The following LRTM1 variants were observed in gnomAD, a reference collection of about 807,000 sequenced individuals.
The protein encoded by LRTM1 is leucine-rich repeat and transmembrane domain-containing protein 1.
In LRTM1, 38 loss-of-function variants were observed where a neutral mutation model predicts 32.4. That is an observed-to-expected ratio of 1.17 (90% CI 0.91 to 1.54). The LOEUF is 1.54. Ranked by LOEUF, LRTM1 falls within the 40% of genes most tolerant of loss-of-function variation. The pLI, the probability that LRTM1 is intolerant of heterozygous loss-of-function variation, is 0.00. For missense variants in LRTM1, 466 were observed against 415.4 expected (o/e 1.12, Z -1.06); for synonymous variants, 186 against 169.9 (o/e 1.09, Z -0.74).
At chr3:54,919,675 G>A (rs1169905906) in intron 2 of LRTM1, among the ~76,000 whole-genome samples, 1 of 152,182 alleles carries the variant, frequency 6.6e-6, no homozygotes, top group Non-Finnish European at 1.5e-5. Flanking sequence ...AGTCTAGTGT[G>A]ACCACTGATT....
chr3:54,959,997 A>G (rs115793763), intron 1 of LRTM1, among the ~76,000 whole-genome samples: 2,079 of 151,732 alleles, frequency 0.014, 59 homozygotes, highest in African/African-American at 0.047. Context: ...AGTAATTAGA[A>G]CCCAAATGGA....
At chr3:54,942,965 A>G (rs1403301054) in intron 1 of LRTM1, among the ~76,000 whole-genome samples, 2 of 152,126 alleles carry the variant, frequency 1.3e-5, no homozygotes, top group Non-Finnish European at 2.9e-5. Context: ...CGGAGGTTGC[A>G]GTGAGCTGAG....
chr3:54,955,084 C>T (rs182035820), intron 1 of LRTM1, among the ~76,000 whole-genome samples: 41 of 152,266 alleles, frequency 2.7e-4, no homozygotes, highest in Admixed American at 2.4e-3. Context: ...GGAGAGAAGA[C>T]ATACAAAATT....
chr3:54,957,204 G>C (rs1701920666), intron 1 of LRTM1, among the ~76,000 whole-genome samples: 2 of 151,796 alleles, frequency 1.3e-5, no homozygotes, highest in South Asian at 4.1e-4. Context: ...CTGTCCCCCA[G>C]GCTGGAGTTC....
intron 1 of LRTM1, among the ~76,000 whole-genome samples, chr3:54,951,332 C>G (rs1701752106): frequency 6.6e-6 from 1 of 152,242 alleles, no homozygotes; most frequent in Non-Finnish European, 1.5e-5. Context: ...ACCCATCTCT[C>G]TCTTTCACAG....
Position 54,918,887 on chromosome 3 carries a change from G to C in LRTM1, c.610C>G (p.Leu204Val). 6.6e-7 allele frequency: 1 copy of C among 1,526,582 alleles called. No homozygotes were observed. Among genetic ancestry groups the C allele is most frequent in the Non-Finnish European group, 8.8e-7 (1 of 1,137,152 alleles). The allele number at this position is 1,526,582 out of a possible 1,614,324, so 94.6% of individuals were successfully genotyped here. ...GATTCACAGATGATGCCGTCTGTTAGTCCCCCTTTAAAAAACAAAAGCAAA... is the reference window on the plus strand; with the variant it reads ...GATTCACAGATGATGCCGTCTGTTACTCCCCCTTTAAAAAACAAAAGCAAA... ...WLEKFVYKGG[L>V]TDGIICESPD... is the part of the protein sequence containing the mutation. Residue 204 changes from leucine to valine, a missense_variant, in exon 3 of 3, where the codon CTA becomes GTA. Leu to Val is a conservative substitution (Grantham distance 32). Transcript: ENST00000273286.
chr3:54,930,586 A>G (rs1050989981), upstream of LRTM1, among the ~76,000 whole-genome samples: 14 of 152,230 alleles, frequency 9.2e-5, no homozygotes, highest in Non-Finnish European at 1.5e-5. Flanking sequence ...GCAGAGAACC[A>G]AAGGCAGTCA....
chr3:54,918,836 G>C lies in LRTM1; in HGVS notation c.661C>G (p.Leu221Val). ...ESPDTWKGKD[L>V]LRIPHELYQP... ...TACAGCTCATGAGGGATCCTAAGGA[G>C]GTCCTTTCCCTTCCAGGTGTCTGGT... Residue 221 changes from leucine (L) to valine (V), a missense_variant, in exon 3 of 3, where the codon CTC becomes GTC. Leu to Val is a conservative substitution (Grantham distance 32, BLOSUM62 1). Coordinates refer to ENST00000273286, the MANE Select transcript of LRTM1 (RefSeq NM_020678.4). The C allele has an allele frequency of 6.3e-7, 1 of 1,588,446 alleles. No individual in the cohort carries two copies. Among genetic ancestry groups the C allele is most frequent in the Non-Finnish European group, 8.6e-7 (1 of 1,164,522 alleles).
intron 1 of LRTM1, among the ~76,000 whole-genome samples, chr3:54,940,008 A>G (rs146866398): frequency 2.3e-4 from 35 of 152,282 alleles, no homozygotes; most frequent in African/African-American, 7.7e-4. Context: ...CCATCTGAGC[A>G]GATGAGCATC....
At position 54,924,661 on chromosome 3, in the gene LRTM1, A is replaced by G. The variant is rs748661083; in HGVS notation, c.562T>C (p.Leu188=). The change falls in exon 2 of 3, where the codon TTG becomes CTG. Residue 188 remains leucine (L), a synonymous_variant. Coordinates refer to ENST00000273286, the MANE Select transcript of LRTM1 (RefSeq NM_020678.4). ...TCCAGCCAGAGTTTAAGACCGAGCA[A>G]GTGGCAATTGCATTTCCAGAGGTTG... ...KDNLWKCNCH[L]LGLKLWLEKF... The G allele has an allele frequency of 3.7e-5, 59 of 1,614,028 alleles. No homozygotes were observed. The highest frequency in any genetic ancestry group is 4.7e-5 in the Non-Finnish European group (56 of 1,180,014).
At chr3:54,937,045 G>A (rs1559637140) in intron 1 of LRTM1, among the ~76,000 whole-genome samples, 1 of 152,100 alleles carries the variant, frequency 6.6e-6, no homozygotes, top group Non-Finnish European at 1.5e-5. Flanking sequence ...TAGATTTGCT[G>A]AGAAAGAGCA....
At chr3:54,934,266 A>G (rs565914938) in intron 1 of LRTM1, among the ~76,000 whole-genome samples, 1 of 152,306 alleles carries the variant, frequency 6.6e-6, no homozygotes, top group Admixed American at 6.5e-5. Context: ...TTCTTTTGAC[A>G]TTAAGATGTA....
intron 1 of LRTM1, among the ~76,000 whole-genome samples, chr3:54,937,715 C>T (rs562394051): frequency 6.6e-6 from 1 of 152,144 alleles, no homozygotes; most frequent in East Asian, 1.9e-4. Context: ...CAGAATTTAC[C>T]ACAGAGAGGG....
intron 1 of LRTM1, among the ~76,000 whole-genome samples, chr3:54,926,054 A>G (rs748476591): frequency 1.3e-5 from 2 of 152,170 alleles, no homozygotes; most frequent in Admixed American, 1.3e-4. Flanking sequence ...CAGAAGAGCA[A>G]TGCATTACTT....
intron 1 of LRTM1, among the ~76,000 whole-genome samples, chr3:54,935,414 G>A (rs1288876248): frequency 3.9e-5 from 6 of 152,164 alleles, no homozygotes; most frequent in Admixed American, 2.0e-4. Context: ...GAGCTCATGC[G>A]GCTGGTGGAA....
chr3:54,950,723 G>C (rs1428605466), intron 1 of LRTM1, among the ~76,000 whole-genome samples: 1 of 152,158 alleles, frequency 6.6e-6, no homozygotes, highest in African/African-American at 2.4e-5. Flanking sequence ...TCGGCTGTGA[G>C]ATGGGAAATC....
intron 2 of LRTM1, among the ~76,000 whole-genome samples, chr3:54,921,134 GAAGCTCC>G (rs1700837477): frequency 6.6e-6 from 1 of 152,156 alleles, no homozygotes; most frequent in Non-Finnish European, 1.5e-5. Flanking sequence ...GACAATGCAA[GAAGCTCC>G]AGCTTGCCAA....
chr3:54,950,173 C>G (rs1701722280), intron 1 of LRTM1, among the ~76,000 whole-genome samples: 1 of 152,232 alleles, frequency 6.6e-6, no homozygotes, highest in Non-Finnish European at 1.5e-5. Context: ...TATTTCCATA[C>G]AGCCGAGGTA....
At chr3:54,931,985 A>G (rs988705788), upstream of LRTM1, among the ~76,000 whole-genome samples, 13 of 152,086 alleles carry the variant, frequency 8.5e-5, no homozygotes, top group Non-Finnish European at 1.6e-4. Context: ...GTTCAAAGCC[A>G]ACCCAGGCAA....
Sources: gnomAD v4.1 joint callset for allele counts (sites outside exome capture counted in the v4.1 genomes callset) on GRCh38, gnomAD v4.1.1 for gene constraint, MANE v1.5 for transcripts, NCBI Gene and HGNC (gene_info 2026-07-23, HGNC 2026-07-21) for gene names.